Variants in PEMT observed in about 807,000 individuals in gnomAD.
PEMT encodes phospholipid methyltransferase.
PEMT carries 23 observed loss-of-function variants against 27.4 expected under a neutral mutation model. The observed-to-expected ratio is 0.84, with a 90% CI of 0.60 to 1.19. The LOEUF (loss-of-function observed/expected upper bound fraction) is 1.19, where lower values mean the gene tolerates loss of function less well. PEMT is among the 50% of genes most tolerant of loss of function. The pLI is 0.00. For missense variants in PEMT, 307 were observed against 310.1 expected (o/e 0.99, Z 0.07); for synonymous variants, 137 against 139.1 (o/e 0.98, Z 0.11).
At chr17:17,540,279 G>A (rs1908788599) in intron 2 of PEMT, among the ~76,000 whole-genome samples, 1 of 152,224 alleles carries the variant, frequency 6.6e-6, no homozygotes, top group Non-Finnish European at 1.5e-5. Context: ...TGGGGCAATG[G>A]CCGGGACGAG....
At chr17:17,551,333 T>C (rs1909639056) in intron 2 of PEMT, among the ~76,000 whole-genome samples, 1 of 152,246 alleles carries the variant, frequency 6.6e-6, no homozygotes, top group South Asian at 2.1e-4. Context: ...GTTAACTGCT[T>C]AAAATTTTAA....
intron 1 of PEMT, among the ~76,000 whole-genome samples, chr17:17,586,290 A>AAGAAAGAAAGAAAGAAAG (rs1178124618): frequency 1.6e-4 from 15 of 96,496 alleles, no homozygotes; most frequent in Admixed American, 7.5e-4. Context: ...GAAAGAAAGA[A>AAGAAAGAAAGAAAGAAAG]AAAAAAAAAC....
chr17:17,522,079 G>A (rs1254555114), intron 3 of PEMT, among the ~76,000 whole-genome samples: 1 of 152,196 alleles, frequency 6.6e-6, no homozygotes, highest in Non-Finnish European at 1.5e-5. Flanking sequence ...CCCCATTCCT[G>A]AGGTCACTGG....
chr17:17,540,501 C>T (rs147779907), intron 2 of PEMT, among the ~76,000 whole-genome samples: 1 of 152,324 alleles, frequency 6.6e-6, no homozygotes, highest in East Asian at 1.9e-4. Context: ...GCAGCAGCCA[C>T]TGTGCAAGGA....
intron 5 of PEMT, 98 bp from the exon 6 acceptor site, chr17:17,506,399 C>T (rs2072497466): frequency 1.1e-5 from 9 of 847,932 alleles, no homozygotes; most frequent in Non-Finnish European, 1.5e-5. Flanking sequence ...TGACCCTGGC[C>T]CTCCGGCCGA....
chr17:17,585,480 G>C (rs1392403475), intron 1 of PEMT, among the ~76,000 whole-genome samples: 1 of 152,188 alleles, frequency 6.6e-6, no homozygotes. Flanking sequence ...CAAAGCAGTG[G>C]ACAAGAAGGC....
intron 5 of PEMT, chr17:17,507,077 C>G: frequency 8.1e-7 from 1 of 1,235,272 alleles, no homozygotes; most frequent in Non-Finnish European, 1.2e-6. Context: ...GGCAGCTCGT[C>G]AGTGACGGCA....
intron 1 of PEMT, among the ~76,000 whole-genome samples, chr17:17,587,555 CTG>C (rs1179752162): frequency 4.6e-5 from 7 of 152,132 alleles, no homozygotes; most frequent in Non-Finnish European, 8.8e-5. Flanking sequence ...TCCCAACTCA[CTG>C]TATTACCCTA....
At chr17:17,590,763 G>A (rs1337009515) in intron 1 of PEMT, among the ~76,000 whole-genome samples, 1 of 152,228 alleles carries the variant, frequency 6.6e-6, no homozygotes, top group Non-Finnish European at 1.5e-5. Context: ...GGTAAATGGA[G>A]CATCTAAGAG....
At chr17:17,543,917 A>G (rs1274559412) in intron 2 of PEMT, among the ~76,000 whole-genome samples, 1 of 152,152 alleles carries the variant, frequency 6.6e-6, no homozygotes, top group Non-Finnish European at 1.5e-5. Flanking sequence ...CATGCATACA[A>G]TTTGCTAGAT....
chr17:17,577,561 C>T (rs927248182), intron 1 of PEMT: 9 of 987,898 alleles, frequency 9.1e-6, no homozygotes, highest in South Asian at 4.6e-5. Context: ...CCACGCCACC[C>T]GCATACGGGG....
intron 1 of PEMT, among the ~76,000 whole-genome samples, chr17:17,583,037 G>A (rs1437217035): frequency 6.6e-6 from 1 of 151,406 alleles, no homozygotes; most frequent in Admixed American, 6.6e-5. Context: ...ACTCCAGCCT[G>A]GATGACAGAG....
chr17:17,591,437 G>C (rs2142773013), intron 1 of PEMT, 94 bp downstream of exon 1: 66 of 731,746 alleles, frequency 9.0e-5, no homozygotes, highest in East Asian at 2.4e-4. Flanking sequence ...TGGCGGCCCC[G>C]CCCCGCAGCG....
chr17:17,581,647 G>A (rs1191631971), intron 1 of PEMT, among the ~76,000 whole-genome samples: 1 of 152,188 alleles, frequency 6.6e-6, no homozygotes, highest in East Asian at 1.9e-4. Flanking sequence ...ATCCACCTGA[G>A]TCTCCCAATT....
intron 2 of PEMT, among the ~76,000 whole-genome samples, chr17:17,553,412 C>T (rs1021561482): frequency 1.3e-5 from 2 of 152,188 alleles, no homozygotes; most frequent in Admixed American, 6.5e-5. Flanking sequence ...TGTGAGAAGC[C>T]GACAAGAGAT....
At chr17:17,570,663 A>C in intron 2 of PEMT, 14 of 985,444 alleles carry the variant, frequency 1.4e-5, no homozygotes, top group Non-Finnish European at 1.1e-5. Context: ...CTGAGGATAC[A>C]GGTGGGAGGA....
chr17:17,526,462 G>A (rs1003114208), intron 2 of PEMT, among the ~76,000 whole-genome samples: 1 of 152,248 alleles, frequency 6.6e-6, no homozygotes, highest in Non-Finnish European at 1.5e-5. Flanking sequence ...CCCGGCCAGC[G>A]TGGAAGGAGG....
At chr17:17,537,289 G>A (rs1287646003) in intron 2 of PEMT, among the ~76,000 whole-genome samples, 1 of 152,180 alleles carries the variant, frequency 6.6e-6, no homozygotes, top group Non-Finnish European at 1.5e-5. Flanking sequence ...GGACCCACCT[G>A]CTCCTGGGCC....
intron 1 of PEMT, 177 bp downstream of exon 1, chr17:17,591,354 C>T: frequency 1.6e-6 from 1 of 607,058 alleles, no homozygotes; most frequent in Non-Finnish European, 2.9e-6. Context: ...CACGCACACA[C>T]ACAGACACCA....
Sources: allele counts gnomAD v4.1 joint callset (sites outside exome capture counted in the v4.1 genomes callset), GRCh38; gene constraint gnomAD v4.1.1; transcripts MANE v1.5; gene names NCBI Gene and HGNC (gene_info 2026-07-23, HGNC 2026-07-21).